The following KDM4A variants were observed in gnomAD, a reference collection of about 807,000 sequenced individuals.
The protein encoded by KDM4A is lysine demethylase 4A.
Under a neutral mutation model 127.1 loss-of-function variants are expected in KDM4A, and 23 were observed. The observed-to-expected ratio is 0.18, with a 90% CI of 0.13 to 0.26. The LOEUF (loss-of-function observed/expected upper bound fraction) is 0.26, where lower values mean the gene tolerates loss of function less well. KDM4A is among the 10% of genes least tolerant of loss of function. KDM4A has a pLI of 1.00. For missense variants in KDM4A, 890 were observed against 1,329.1 expected, an observed-to-expected ratio of 0.67 and a Z score of 5.14; for synonymous variants, 443 against 466.5, an observed-to-expected ratio of 0.95 and a Z score of 0.65.
chr1:43,676,239 G>A (rs954617644), intron 11 of KDM4A, among the ~76,000 whole-genome samples: 18 of 152,244 alleles, frequency 1.2e-4, no homozygotes, highest in Middle Eastern at 3.4e-3. Flanking sequence ...GCAATGAGCC[G>A]TGACTGTACC....
At chr1:43,667,534 C>T (rs796490123) in intron 8 of KDM4A, among the ~76,000 whole-genome samples, 2 of 152,306 alleles carry the variant, frequency 1.3e-5, no homozygotes, top group African/African-American at 2.4e-5. Context: ...TCTGTGACCC[C>T]GAGTTAGTGC....
At chr1:43,674,094 C>T (rs1660686962) in intron 11 of KDM4A, among the ~76,000 whole-genome samples, 1 of 152,202 alleles carries the variant, frequency 6.6e-6, no homozygotes, top group Non-Finnish European at 1.5e-5. Flanking sequence ...AGGTGCACAC[C>T]ACCACTCTTG....
intron 11 of KDM4A, among the ~76,000 whole-genome samples, chr1:43,672,661 AT>A (rs1285170560): frequency 2.6e-5 from 4 of 151,608 alleles, no homozygotes; most frequent in African/African-American, 9.7e-5. Context: ...CGCCCAGCTA[AT>A]TTTTTGTATT....
Position 43,694,627 on chromosome 1 carries a change from G to T in KDM4A, c.2485-82G>T. The T allele has an allele frequency of 7.9e-7, 1 of 1,264,410 alleles. No homozygotes were observed. 78.3% of individuals were successfully genotyped at this position (1,264,410 alleles called of 1,614,324 possible). ...GAAGGGGCTGGCTCTTGCTTGCTTGGCTTTGCATTTGGGAGGGGAACAACA... is the reference window on the plus strand; with the variant it reads ...GAAGGGGCTGGCTCTTGCTTGCTTGTCTTTGCATTTGGGAGGGGAACAACA... On this transcript the variant is annotated intron_variant, in intron 17 of 21. Coordinates refer to ENST00000372396, the MANE Select transcript of KDM4A (RefSeq NM_014663.3). The surrounding 1 kb of genome is among the most constrained non-coding windows in gnomAD (Gnocchi z 5.2).
rs1454547301 is a variant in KDM4A, at chr1:43,667,820, A to G, written c.964A>G (p.Arg322Gly). The change falls in exon 9 of 22, where the codon AGA becomes GGA. Residue 322 changes from arginine to glycine, a missense_variant. Physicochemically the swap from Arg to Gly is moderately radical, Grantham distance 125. Transcript: ENST00000372396. ...MVKISMDVFV[R>G]KFQPERYKLW... ...GAAGATCTCCATGGATGTGTTTGTG[A>G]GAAAGTTCCAGCCAGAAAGGTACAA... The G allele has an allele frequency of 1.9e-6, 3 of 1,613,766 alleles. No homozygotes were observed. Among genetic ancestry groups the G allele is most frequent in the Non-Finnish European group, 2.5e-6 (3 of 1,179,904 alleles).
At position 43,693,844 on chromosome 1, in the gene KDM4A, C is replaced by T; in HGVS notation, c.2376-150C>T. 1 of 635,824 alleles carries T rather than the reference C, an allele frequency of 1.6e-6. No individual in the cohort carries two copies. 39.4% of individuals were successfully genotyped at this position (635,824 alleles called of 1,614,324 possible). A position where few individuals can be genotyped will look rare whatever the true frequency, so the allele number is the denominator to read the frequency against. ...CCACATACTCAGAGGAGAGACGGTTCTGGTTCTCACCTTCCTGGGTCCCAG... is the reference window on the plus strand; with the variant it reads ...CCACATACTCAGAGGAGAGACGGTTTTGGTTCTCACCTTCCTGGGTCCCAG... On this transcript the variant is annotated intron_variant, in intron 16 of 21. Coordinates refer to ENST00000372396, the MANE Select transcript of KDM4A (RefSeq NM_014663.3). This position sits in a 1 kb window ranked among gnomAD's most constrained non-coding sequence, Gnocchi z 4.2.
intron 12 of KDM4A, 152 bp downstream of exon 12, chr1:43,683,956 T>TC: frequency 2.5e-6 from 2 of 814,144 alleles, no homozygotes; most frequent in Non-Finnish European, 3.8e-6. Flanking sequence ...CCGGATTTCC[T>TC]TATATCTAAT....
intron 4 of KDM4A, among the ~76,000 whole-genome samples, chr1:43,662,375 C>G (rs1041050684): frequency 1.3e-5 from 2 of 151,904 alleles, no homozygotes; most frequent in Non-Finnish European, 2.9e-5. Flanking sequence ...TTTGGGAGGC[C>G]AAGGCGGGTG....
chr1:43,703,381 T>G, intron 19 of KDM4A: 2 of 396,074 alleles, frequency 5.0e-6, no homozygotes, highest in South Asian at 3.2e-5. Context: ...TTTACTAAGT[T>G]TGTTATAGCT....
intron 15 of KDM4A, among the ~76,000 whole-genome samples, chr1:43,691,931 C>A (rs745374350): frequency 6.6e-6 from 1 of 152,188 alleles, no homozygotes; most frequent in Non-Finnish European, 1.5e-5. Flanking sequence ...CCTGGCTGTA[C>A]CTAGCCCATA....
rs11438925 is a variant in KDM4A at position 43,656,329 on chromosome 1, G to GTTTT, written c.314+586_314+589dup. Reference sequence around the variant, plus strand: ...TGTTTTCAGTTCTTCTCTGCTGTTGGTTTTTTTTTTTTTTTTTTTTTTTTT... The same window carrying GTTTT: ...TGTTTTCAGTTCTTCTCTGCTGTTGGTTTTTTTTTTTTTTTTTTTTTTTTTTTTT... On this transcript the variant is annotated intron_variant, in intron 3 of 21. Coordinates refer to ENST00000372396, the MANE Select transcript of KDM4A (RefSeq NM_014663.3). Among the ~76,000 whole-genome samples, 20 of 54,178 alleles carry GTTTT rather than the reference G, an allele frequency of 3.7e-4. 5 individuals carry two copies. The highest frequency in any genetic ancestry group is 7.0e-4 in the East Asian group (1 of 1,434). The allele number at this position is 54,178 out of a possible 152,430, so 35.5% of individuals were successfully genotyped here. A position where few individuals can be genotyped will look rare whatever the true frequency, so the allele number is the denominator to read the frequency against.
intron 3 of KDM4A, among the ~76,000 whole-genome samples, chr1:43,657,547 G>C (rs1287405432): frequency 6.6e-6 from 1 of 151,970 alleles, no homozygotes; most frequent in Admixed American, 6.6e-5. Context: ...CCTGCTGACC[G>C]ATGAGAGAAT....
intron 3 of KDM4A, among the ~76,000 whole-genome samples, chr1:43,660,016 G>A (rs1428232169): frequency 6.6e-6 from 1 of 152,204 alleles, no homozygotes; most frequent in Non-Finnish European, 1.5e-5. Context: ...GCAAGGTGTA[G>A]TTTAAGTAGA....
rs1192579227 is a variant in KDM4A at position 43,667,680 on chromosome 1, T to C, written c.916-92T>C. 2.6e-6 allele frequency: 4 copies of C among 1,529,940 alleles called. No individual in the cohort carries two copies. In the African/African-American group the frequency reaches 4.1e-5, roughly 16 times the overall value. The allele number at this position is 1,529,940 out of a possible 1,614,324, so 94.8% of individuals were successfully genotyped here. On this transcript the variant is annotated intron_variant, in intron 8 of 21. Transcript: ENST00000372396. ...ATCTGGTTATAAACCATCTTGCACT[T>C]GTTTCCATGTGGAGGGAGGAGCTAG...
intron 11 of KDM4A, among the ~76,000 whole-genome samples, chr1:43,673,008 C>G (rs1247371914): frequency 1.3e-5 from 2 of 152,118 alleles, no homozygotes; most frequent in Admixed American, 6.5e-5. Flanking sequence ...TTTTGGAGAC[C>G]AAGATGCATT....
chr1:43,683,805 G>GT lies in KDM4A; in HGVS notation c.1855+2dup. 1 of 1,613,600 alleles carries GT rather than the reference G, an allele frequency of 6.2e-7. No homozygotes were observed. The highest frequency in any genetic ancestry group is 8.5e-7 in the Non-Finnish European group (1 of 1,179,806). The stretch of plus-strand genomic sequence containing the variant: ...CTGCAGGAGTGTGTCAGTGATGATG[G>GT]TAAGTGTTGTTTTTTCTTCACCAGG... On this transcript the variant is annotated splice_donor_variant, in intron 12 of 21. Transcript: ENST00000372396. LOFTEE classifies it high-confidence loss of function.
At chr1:43,684,733 A>G (rs1040885757) in intron 12 of KDM4A, among the ~76,000 whole-genome samples, 1 of 152,226 alleles carries the variant, frequency 6.6e-6, no homozygotes, top group Non-Finnish European at 1.5e-5. Flanking sequence ...AGCCAGTGAC[A>G]TGTTTTAAGC....
At chr1:43,692,602 G>A (rs1296725647) in intron 16 of KDM4A, among the ~76,000 whole-genome samples, 2 of 152,190 alleles carry the variant, frequency 1.3e-5, no homozygotes, top group Non-Finnish European at 2.9e-5. Flanking sequence ...AAGATGATGC[G>A]CAGGGACTGT....
Position 43,660,287 on chromosome 1 carries a change from CT to C in KDM4A, c.315-8del. ...TAAGTGGTTTACATGTTTCTTTTTA[CT>C]TTCAAAAAGGTACTGTACCCCACGC... On this transcript the variant is annotated splice_polypyrimidine_tract_variant and intron_variant, in intron 3 of 21. Transcript: ENST00000372396. The C allele has an allele frequency of 6.4e-7, 1 of 1,566,782 alleles. No individual in the cohort carries two copies. The highest frequency in any genetic ancestry group is 1.7e-5 in the Admixed American group (1 of 57,436).
Sources: gnomAD v4.1 joint callset for allele counts (sites outside exome capture counted in the v4.1 genomes callset) on GRCh38, gnomAD v4.1.1 for gene constraint, Gnocchi (gnomAD v3.1) non-coding constraint, MANE v1.5 for transcripts, NCBI Gene and HGNC (gene_info 2026-07-23, HGNC 2026-07-21) for gene names.